The following SCIN variants were observed in gnomAD, a reference collection of about 807,000 sequenced individuals.
SCIN encodes the protein scinderin, also known as adseverin.
In SCIN, 91 loss-of-function variants were observed where a neutral mutation model predicts 91.8. The ratio of observed to expected loss-of-function variants is 0.99; its 90% CI spans 0.84 to 1.18. The LOEUF (loss-of-function observed/expected upper bound fraction) is 1.18, where lower values mean the gene tolerates loss of function less well. SCIN is among the 50% of genes most tolerant of loss of function. The pLI is 0.00. For synonymous variants in SCIN, 367 were observed against 312.6 expected, an observed-to-expected ratio of 1.17 and a Z score of -1.84; for missense variants, 1,087 against 863.9, an observed-to-expected ratio of 1.26 and a Z score of -3.24.
intron 4 of SCIN, among the ~76,000 whole-genome samples, chr7:12,620,511 T>C (rs896913758): frequency 1.3e-5 from 2 of 152,134 alleles, no homozygotes; most frequent in Admixed American, 1.3e-4. Flanking sequence ...ATCCATGTTG[T>C]TGCAAATGAC....
In SCIN at chr7:12,654,963, A is replaced by G. The variant is rs1470436013; in HGVS notation, c.*2248A>G. ...ACTCATGAAGCATAAAATTAAAAAT[A>G]TGATACATTCACTACATGAAAATAT... On this transcript the variant is annotated 3_prime_UTR_variant, in exon 16 of 16. Coordinates refer to ENST00000297029, the MANE Select transcript of SCIN (RefSeq NM_001112706.3). 1 of 152,224 alleles carries G rather than the reference A, an allele frequency of 6.6e-6. No individual in the cohort carries two copies. Among genetic ancestry groups the G allele is most frequent in the Non-Finnish European group, 1.5e-5 (1 of 68,026 alleles). 9.4% of individuals were successfully genotyped at this position (152,224 alleles called of 1,614,324 possible).
chr7:12,600,424 C>T (rs1343918701), intron 3 of SCIN, among the ~76,000 whole-genome samples: 1 of 151,944 alleles, frequency 6.6e-6, no homozygotes, highest in Non-Finnish European at 1.5e-5. Context: ...GATGGGAGCA[C>T]CAAAATCTCA....
chr7:12,572,107 A>T (rs2115195947), intron 1 of SCIN, among the ~76,000 whole-genome samples: 1 of 152,388 alleles, frequency 6.6e-6, no homozygotes, highest in South Asian at 2.1e-4. Flanking sequence ...TAAGAAACAA[A>T]ATAATAGAAA....
chr7:12,602,297 C>T (rs1782974044), intron 3 of SCIN, among the ~76,000 whole-genome samples: 1 of 152,034 alleles, frequency 6.6e-6, no homozygotes, highest in Non-Finnish European at 1.5e-5. Flanking sequence ...TCACATGCTT[C>T]AAAGGGCAAA....
chr7:12,572,526 A>C (rs999358929), intron 1 of SCIN, among the ~76,000 whole-genome samples: 2 of 152,220 alleles, frequency 1.3e-5, no homozygotes, highest in African/African-American at 4.8e-5. Flanking sequence ...ATGTGAAATA[A>C]TGCCATATCT....
At position 12,644,256 on chromosome 7, in the gene SCIN, A is replaced by G; in HGVS notation, c.1700A>G (p.Glu567Gly). 6.2e-7 allele frequency: 1 copy of G among 1,604,116 alleles called. No individual in the cohort carries two copies. Reference protein sequence around the residue: ...GASQEEEKGAEYVASVLKCKT... With the variant: ...GASQEEEKGAGYVASVLKCKT... ...AGCCAGGAGGAGGAGAAAGGAGCAG[A>G]GTATGTAGCAAGTGTCCTAAAGTGC... is the stretch of plus-strand genomic sequence containing the variant. The change falls in exon 12 of 16, where the codon GAG (glutamate) becomes GGG (glycine). Residue 567 changes from glutamate to glycine, a missense_variant. Coordinates refer to ENST00000297029, the MANE Select transcript of SCIN (RefSeq NM_001112706.3).
chr7:12,649,580 T>G, intron 14 of SCIN, 36 bp downstream of exon 14: 1 of 1,456,010 alleles, frequency 6.9e-7, no homozygotes, highest in South Asian at 1.2e-5. Context: ...AGAGAATGCA[T>G]TTTTGGTTGG....
In SCIN at chr7:12,644,672, T is replaced by G. The variant is rs1205571560; in HGVS notation, c.1848T>G (p.Leu616=). Residue 616 remains leucine, a synonymous_variant, in exon 13 of 16, where the codon CTT becomes CTG. Coordinates refer to ENST00000297029, the MANE Select transcript of SCIN (RefSeq NM_001112706.3). The part of the protein sequence containing the change: ...ETQAEDHPPR[L]YGCSNKTGRF... ...AGGCTGAAGACCATCCACCTCGGCT[T>G]TACGGCTGCTCTAACAAAACTGGAA... 4 of 1,584,490 alleles carry G rather than the reference T, an allele frequency of 2.5e-6. No individual in the cohort carries two copies. The East Asian group carries it at 6.9e-5, about 27-fold the overall frequency.
intron 7 of SCIN, 93 bp downstream of exon 7, chr7:12,625,943 A>G (rs1339210205): frequency 8.7e-6 from 7 of 800,866 alleles, no homozygotes; most frequent in Non-Finnish European, 1.4e-5. Flanking sequence ...GGGTCAAAGT[A>G]ACGTCTGTAT....
At chr7:12,578,314 G>A (rs1389139241) in intron 2 of SCIN, 96 bp downstream of exon 2, 3 of 1,158,288 alleles carry the variant, frequency 2.6e-6, no homozygotes, top group African/African-American at 3.2e-5. Context: ...TGAGGGCAGG[G>A]GTTTTTGTTT....
intron 10 of SCIN, among the ~76,000 whole-genome samples, chr7:12,637,567 G>A (rs917078770): frequency 1.3e-5 from 2 of 151,722 alleles, no homozygotes; most frequent in African/African-American, 4.8e-5. Context: ...AATGAGACAA[G>A]TAAGGAGGAG....
At chr7:12,621,480 G>C (rs1232842253) in intron 4 of SCIN, among the ~76,000 whole-genome samples, 1 of 152,078 alleles carries the variant, frequency 6.6e-6, no homozygotes, top group Non-Finnish European at 1.5e-5. Context: ...CCTAATATTA[G>C]ATATGCCCTT....
At chr7:12,593,305 T>A (rs1469662024) in intron 3 of SCIN, among the ~76,000 whole-genome samples, 1 of 152,156 alleles carries the variant, frequency 6.6e-6, no homozygotes, top group African/African-American at 2.4e-5. Flanking sequence ...TTATCTAATT[T>A]ATTTTGCTCG....
intron 11 of SCIN, among the ~76,000 whole-genome samples, chr7:12,642,085 C>T (rs961681539): frequency 1.3e-5 from 2 of 151,104 alleles, no homozygotes; most frequent in African/African-American, 4.9e-5. Flanking sequence ...TATATATATA[C>T]TATTATCCAT....
chr7:12,592,002 G>C (rs1782733816), intron 3 of SCIN, among the ~76,000 whole-genome samples: 1 of 152,164 alleles, frequency 6.6e-6, no homozygotes, highest in South Asian at 2.1e-4. Flanking sequence ...AGATGACTGG[G>C]AGACAGGTTT....
At chr7:12,604,944 A>T (rs1783044353) in intron 4 of SCIN, among the ~76,000 whole-genome samples, 1 of 152,186 alleles carries the variant, frequency 6.6e-6, no homozygotes, top group Non-Finnish European at 1.5e-5. Context: ...GAAACAAATG[A>T]GTGACACTTC....
intron 4 of SCIN, among the ~76,000 whole-genome samples, chr7:12,611,820 G>A (rs1292768278): frequency 1.3e-5 from 2 of 152,074 alleles, no homozygotes; most frequent in African/African-American, 2.4e-5. Flanking sequence ...GCTCTGGTGG[G>A]AGGATTGCTT....
In SCIN at chr7:12,651,890, CT is replaced by C; in HGVS notation, c.2010del (p.Leu671Ter). The C allele has an allele frequency of 6.2e-7, 1 of 1,603,060 alleles. No homozygotes were observed. Among genetic ancestry groups the C allele is most frequent in the Non-Finnish European group, 8.5e-7 (1 of 1,172,748 alleles). ...KDANEVEKKE[S>X]LKSAKMYLET... Reference sequence around the variant, plus strand: ...GCTAATGAAGTTGAGAAAAAAGAATCTCTGAAGTCTGGTAAGCTCAATCGAT... The same window carrying C: ...GCTAATGAAGTTGAGAAAAAAGAATCCTGAAGTCTGGTAAGCTCAATCGAT... On this transcript the variant is annotated frameshift_variant, in exon 15 of 16. Transcript: ENST00000297029. LOFTEE classifies it high-confidence loss of function. This position sits in a 1 kb window ranked among gnomAD's most constrained non-coding sequence, Gnocchi z 5.9.
At chr7:12,584,890 T>A (rs760717981) in intron 3 of SCIN, among the ~76,000 whole-genome samples, 1 of 152,184 alleles carries the variant, frequency 6.6e-6, no homozygotes, top group Non-Finnish European at 1.5e-5. Flanking sequence ...TCTTAAGATT[T>A]GGAGTCTGGG....
Sources: allele counts gnomAD v4.1 joint callset (sites outside exome capture counted in the v4.1 genomes callset), GRCh38; gene constraint gnomAD v4.1.1; non-coding constraint Gnocchi (gnomAD v3.1); transcripts MANE v1.5; gene names NCBI Gene and HGNC (gene_info 2026-07-23, HGNC 2026-07-21).